UBE2E2: variants seen among roughly 807,000 people sequenced by gnomAD.
UBE2E2 encodes the protein ubiquitin conjugating enzyme E2 E2.
A neutral mutation model predicts 24.7 loss-of-function variants in UBE2E2; 6 were observed. The observed-to-expected ratio is 0.24, with a 90% CI of 0.13 to 0.48. The LOEUF is 0.48. Ranked by LOEUF, UBE2E2 falls within the 20% of genes least tolerant of loss-of-function variation. The probability of loss-of-function intolerance (pLI) is 0.99; values close to 1 mark genes in which losing one functional copy is unlikely to be tolerated. For synonymous variants in UBE2E2, 104 were observed against 83.6 expected, an observed-to-expected ratio of 1.24 and a Z score of -1.33; for missense variants, 169 against 245.0, an observed-to-expected ratio of 0.69 and a Z score of 2.07.
At chr3:23,255,482 A>G (rs192006777) in intron 3 of UBE2E2, among the ~76,000 whole-genome samples, 2 of 152,252 alleles carry the variant, frequency 1.3e-5, no homozygotes, top group East Asian at 1.9e-4. Context: ...CAGGCTTACT[A>G]TTTATTAATG....
intron 2 of UBE2E2, among the ~76,000 whole-genome samples, chr3:23,210,949 AC>A (rs1244124282): frequency 1.3e-5 from 2 of 152,180 alleles, no homozygotes; most frequent in Non-Finnish European, 2.9e-5. Context: ...AATTTAAAAA[AC>A]CTTATTTTCC....
At chr3:23,404,201 A>G (rs1420805496) in intron 3 of UBE2E2, among the ~76,000 whole-genome samples, 7 of 152,178 alleles carry the variant, frequency 4.6e-5, no homozygotes, top group African/African-American at 9.7e-5. Flanking sequence ...CTCAGTTGCA[A>G]TGAGATTCTG....
chr3:23,554,526 A>G (rs985787476), intron 5 of UBE2E2, among the ~76,000 whole-genome samples: 8 of 152,188 alleles, frequency 5.3e-5, no homozygotes, highest in Non-Finnish European at 8.8e-5. Flanking sequence ...AAAAAATAAA[A>G]TAAGAATGAA....
At chr3:23,557,155 G>A (rs76609214) in intron 5 of UBE2E2, among the ~76,000 whole-genome samples, 6 of 152,212 alleles carry the variant, frequency 3.9e-5, no homozygotes, top group East Asian at 1.9e-4. Flanking sequence ...AGTGAATGAC[G>A]GTGTTTGTGT....
intron 5 of UBE2E2, among the ~76,000 whole-genome samples, chr3:23,582,308 A>G (rs1196051347): frequency 6.6e-6 from 1 of 152,134 alleles, no homozygotes; most frequent in African/African-American, 2.4e-5. Context: ...ATAGTCTACC[A>G]TTGATGGGCA....
intron 3 of UBE2E2, among the ~76,000 whole-genome samples, chr3:23,287,673 A>T (rs1474484491): frequency 6.6e-6 from 1 of 151,236 alleles, no homozygotes; most frequent in South Asian, 2.1e-4. Flanking sequence ...CTAGGAAATC[A>T]TCTGTTTCTT....
intron 3 of UBE2E2, among the ~76,000 whole-genome samples, chr3:23,275,144 A>G (rs1698349383): frequency 6.6e-6 from 1 of 152,216 alleles, no homozygotes; most frequent in African/African-American, 2.4e-5. Flanking sequence ...GTGCTTAACA[A>G]TTACTGTCAG....
chr3:23,559,689 A>T (rs1695876952), intron 5 of UBE2E2, among the ~76,000 whole-genome samples: 1 of 152,188 alleles, frequency 6.6e-6, no homozygotes, highest in African/African-American at 2.4e-5. Flanking sequence ...CACTCCAATA[A>T]GAATTTTAAG....
chr3:23,485,810 G>C (rs2125445529), intron 3 of UBE2E2, among the ~76,000 whole-genome samples: 1 of 152,320 alleles, frequency 6.6e-6, no homozygotes, highest in East Asian at 1.9e-4. Context: ...GACAGAGAGA[G>C]ACATTAGCAT....
At chr3:23,482,918 T>G (rs1268606935) in intron 3 of UBE2E2, among the ~76,000 whole-genome samples, 1 of 152,240 alleles carries the variant, frequency 6.6e-6, no homozygotes, top group Non-Finnish European at 1.5e-5. Flanking sequence ...AATAACTAAC[T>G]GAATGTTATT....
At chr3:23,315,933 C>T (rs1271255475) in intron 3 of UBE2E2, among the ~76,000 whole-genome samples, 1 of 152,078 alleles carries the variant, frequency 6.6e-6, no homozygotes, top group Non-Finnish European at 1.5e-5. Context: ...GATTACCTGG[C>T]AGAGACTCTT....
chr3:23,210,737 T>C (rs1202410218), intron 2 of UBE2E2, among the ~76,000 whole-genome samples: 6 of 152,164 alleles, frequency 3.9e-5, no homozygotes, highest in Non-Finnish European at 5.9e-5. Flanking sequence ...TTGGTGAAAA[T>C]AGGAAGTCTC....
At chr3:23,554,851 A>G (rs1268136399) in intron 5 of UBE2E2, among the ~76,000 whole-genome samples, 1 of 152,100 alleles carries the variant, frequency 6.6e-6, no homozygotes, top group Non-Finnish European at 1.5e-5. Context: ...CCCAAAATTT[A>G]TTTTTAAAAA....
At chr3:23,367,867 C>T (rs1374232829) in intron 3 of UBE2E2, among the ~76,000 whole-genome samples, 1 of 152,104 alleles carries the variant, frequency 6.6e-6, no homozygotes, top group Non-Finnish European at 1.5e-5. Context: ...GGAGGACACC[C>T]AGCTGGTGTC....
Position 23,396,318 on chromosome 3 carries a change from T to TATAC in UBE2E2, c.228-103290_228-103289insATAC, listed in dbSNP as rs61381380. 4.8e-3 allele frequency among the ~76,000 whole-genome samples: 632 copies of TATAC among 131,438 alleles called. 3 individuals are homozygous for TATAC. Among genetic ancestry groups the TATAC allele is most frequent in the Non-Finnish European group, 5.7e-3 (350 of 60,928 alleles). The allele number at this position is 131,438 out of a possible 152,430, so 86.2% of individuals were successfully genotyped here. ...CATTTATTTTTTATATATATATATA[T>TATAC]GTATATATATACGTATATATATATA... On this transcript the variant is annotated intron_variant, in intron 3 of 5. Coordinates refer to ENST00000396703, the MANE Select transcript of UBE2E2 (RefSeq NM_152653.4).
At chr3:23,415,503 T>A (rs1697602219) in intron 3 of UBE2E2, among the ~76,000 whole-genome samples, 1 of 152,216 alleles carries the variant, frequency 6.6e-6, no homozygotes, top group African/African-American at 2.4e-5. Flanking sequence ...AATTGTTTTT[T>A]GAACCTTTCC....
intron 3 of UBE2E2, among the ~76,000 whole-genome samples, chr3:23,352,860 G>A (rs926254319): frequency 6.6e-6 from 1 of 152,158 alleles, no homozygotes; most frequent in Non-Finnish European, 1.5e-5. Context: ...TACAAAAAGA[G>A]GGAATCCTCC....
At position 23,515,706 on chromosome 3, in the gene UBE2E2, C is replaced by A. The variant is rs62255788; in HGVS notation, c.360+15966C>A. On this transcript the variant is annotated intron_variant, in intron 4 of 5. Coordinates refer to ENST00000396703, the MANE Select transcript of UBE2E2 (RefSeq NM_152653.4). ...GTGCAGTGGCTAACGCCTATAATCC[C>A]AGCACTTTGAGAGGCTGAGGTGGGA... is the stretch of plus-strand genomic sequence containing the variant. Among the ~76,000 whole-genome samples, 686 of 151,890 alleles carry A rather than the reference C, an allele frequency of 4.5e-3. 6 individuals carry two copies. The highest frequency in any genetic ancestry group is 8.0e-3 in the Non-Finnish European group (541 of 67,964).
chr3:23,495,529 C>T (rs757445749), intron 3 of UBE2E2, among the ~76,000 whole-genome samples: 1 of 152,170 alleles, frequency 6.6e-6, no homozygotes, highest in Non-Finnish European at 1.5e-5. Flanking sequence ...TGTATACGCT[C>T]ACCTGTGTGT....
Sources: gnomAD v4.1 joint callset for allele counts (sites outside exome capture counted in the v4.1 genomes callset) on GRCh38, gnomAD v4.1.1 for gene constraint, MANE v1.5 for transcripts, NCBI Gene and HGNC (gene_info 2026-07-23, HGNC 2026-07-21) for gene names.